Variants in TET2 observed in about 807,000 individuals in gnomAD.
TET2 encodes methylcytosine dioxygenase TET2.
A neutral mutation model predicts 142.9 loss-of-function variants in TET2; 299 were observed. The ratio of observed to expected loss-of-function variants is 2.09; its 90% CI spans 1.90 to 2.30. The LOEUF (loss-of-function observed/expected upper bound fraction) is 2.30. TET2 is among the 30% of genes most tolerant of loss of function. The probability of loss-of-function intolerance (pLI) is 0.00; values close to 1 mark genes in which losing one functional copy is unlikely to be tolerated. For synonymous variants in TET2, 819 were observed against 849.0 expected (o/e 0.96, Z 0.61); for missense variants, 2,418 against 2,378.0 (o/e 1.02, Z -0.35).
At position 105,213,603 on chromosome 4, in the gene TET2, C is replaced by G. The variant is rs1296045387; in HGVS notation, c.-46-20294C>G. Among the ~76,000 whole-genome samples, 3 of 152,272 alleles carry G rather than the reference C, an allele frequency of 2.0e-5. No homozygotes were observed. In the East Asian group the frequency reaches 5.8e-4, roughly 29 times the overall value. On this transcript the variant is annotated intron_variant, in intron 2 of 10. Transcript: ENST00000380013. ...TCTACAAATTTTCTCAAGCATTTCC[C>G]TTTACCTAGGATGTTCTTCTTTCAC...
chr4:105,190,481 A>C lies in TET2; in HGVS notation c.-71A>C. 1 of 702,200 alleles carries C rather than the reference A, an allele frequency of 1.4e-6. No homozygotes were observed. The highest frequency in any genetic ancestry group is 2.6e-6 in the Non-Finnish European group (1 of 384,752). The allele number at this position is 702,200 out of a possible 1,614,324, so 43.5% of individuals were successfully genotyped here. A position where few individuals can be genotyped will look rare whatever the true frequency, so the allele number is the denominator to read the frequency against. The stretch of plus-strand genomic sequence containing the variant: ...GCAGCCAATAGGACATGATCCAGGA[A>C]GAGCAGTAAGGGACTGAGCTGCTGG... On this transcript the variant is annotated 5_prime_UTR_variant, in exon 2 of 11. Coordinates refer to ENST00000380013, the MANE Select transcript of TET2 (RefSeq NM_001127208.3).
At chr4:105,244,615 G>A (rs1729495157) in intron 6 of TET2, among the ~76,000 whole-genome samples, 1 of 58,242 alleles carries the variant, frequency 1.7e-5, no homozygotes, top group African/African-American at 7.5e-5. Context: ...TTTTTTTTGA[G>A]ATGGAGTTTC....
At chr4:105,188,217 G>GA (rs1318208258) in intron 1 of TET2, among the ~76,000 whole-genome samples, 1 of 152,152 alleles carries the variant, frequency 6.6e-6, no homozygotes, top group African/African-American at 2.4e-5. Context: ...ACACATGCTA[G>GA]AAAATAAATG....
At chr4:105,217,267 C>T (rs1378788197) in intron 2 of TET2, among the ~76,000 whole-genome samples, 2 of 151,926 alleles carry the variant, frequency 1.3e-5, no homozygotes, top group Non-Finnish European at 2.9e-5. Flanking sequence ...ATTAGAACAG[C>T]AATATAACTG....
Position 105,275,682 on chromosome 4 carries a change from T to A in TET2, c.5172T>A (p.Tyr1724Ter). 1 of 1,551,838 alleles carries A rather than the reference T, an allele frequency of 6.4e-7. No homozygotes were observed. The highest frequency in any genetic ancestry group is 8.7e-7 in the Non-Finnish European group (1 of 1,146,996). Residue 1724 changes from tyrosine to a stop codon, truncating the protein, a stop_gained, in exon 11 of 11, where the codon TAT (tyrosine) becomes TAA (stop). Coordinates refer to ENST00000380013, the MANE Select transcript of TET2 (RefSeq NM_001127208.3). LOFTEE classifies it low-confidence loss of function (END_TRUNC). ...ATCATGTAGGGAAATTGCCTCCTTA[T>A]CCCACTCATGAGATGGATGGCCACT... ...NVHHVGKLPP[Y>*]PTHEMDGHFM...
intron 2 of TET2, among the ~76,000 whole-genome samples, chr4:105,219,181 A>G (rs566546605): frequency 6.6e-6 from 1 of 152,090 alleles, no homozygotes; most frequent in Non-Finnish European, 1.5e-5. Flanking sequence ...GTTTAATGGC[A>G]TCTCCATTAT....
At chr4:105,240,789 A>G (rs1729252219) in intron 3 of TET2, 3 of 1,079,558 alleles carry the variant, frequency 2.8e-6, no homozygotes, top group African/African-American at 1.6e-5. Context: ...AAATTGTTCT[A>G]AAGTACATAC....
chr4:105,243,910 T>A, intron 6 of TET2, 132 bp downstream of exon 6: 1 of 741,388 alleles, frequency 1.3e-6, no homozygotes, highest in Non-Finnish European at 2.2e-6. Context: ...TGTTTGGCAG[T>A]CATGCGATAA....
At chr4:105,225,591 A>G (rs1426869975) in intron 2 of TET2, among the ~76,000 whole-genome samples, 1 of 152,180 alleles carries the variant, frequency 6.6e-6, no homozygotes, top group Non-Finnish European at 1.5e-5. Context: ...GCCCACATTG[A>G]CAGGGACAAG....
chr4:105,190,700 T>C (rs1467841664), intron 2 of TET2, 195 bp downstream of exon 2: 7 of 481,650 alleles, frequency 1.5e-5, no homozygotes, highest in Admixed American at 1.1e-4. Context: ...TACTGACTTA[T>C]GTATAGCTGT....
rs555587175 is a variant in TET2 at position 105,154,851 on chromosome 4, C to A, written c.-193+7872C>A. Among the ~76,000 whole-genome samples, 5 of 152,078 alleles carry A rather than the reference C, an allele frequency of 3.3e-5. No individual in the cohort carries two copies. In the South Asian group the frequency reaches 6.2e-4, roughly 19 times the overall value. On this transcript the variant is annotated intron_variant, in intron 1 of 10. Transcript: ENST00000380013. ...ACAAGCCTGGGCAACATGGCAAAAC[C>A]CCATCCCTACAAAAAATGCACAAAT...
At chr4:105,274,911 C>A in intron 10 of TET2, 137 bp from the exon 11 acceptor site, 2 of 1,166,194 alleles carry the variant, frequency 1.7e-6, no homozygotes, top group Non-Finnish European at 2.3e-6. Flanking sequence ...CCTGACTTTG[C>A]TCTTATCTTT....
chr4:105,240,365 A>T (rs1729226530), intron 3 of TET2: 1 of 1,069,342 alleles, frequency 9.4e-7, no homozygotes, highest in African/African-American at 1.7e-5. Flanking sequence ...GATATGTAAT[A>T]GGTCTGTAGG....
intron 6 of TET2, among the ~76,000 whole-genome samples, chr4:105,254,163 C>G (rs759942733): frequency 2.6e-5 from 4 of 152,122 alleles, no homozygotes; most frequent in Non-Finnish European, 4.4e-5. Context: ...ATTTTCTCTG[C>G]TTCTGTCTTA....
chr4:105,185,007 C>G (rs1560733576), intron 1 of TET2, among the ~76,000 whole-genome samples: 2 of 152,054 alleles, frequency 1.3e-5, no homozygotes, highest in Non-Finnish European at 2.9e-5. Flanking sequence ...AACAAAGTCC[C>G]TTTTTTGTAA....
chr4:105,177,340 A>G (rs6848494), intron 1 of TET2, among the ~76,000 whole-genome samples: 11 of 152,234 alleles, frequency 7.2e-5, no homozygotes, highest in African/African-American at 2.7e-4. Flanking sequence ...GAATGAGAAG[A>G]CAAGCCACAG....
At chr4:105,249,021 C>T (rs1215064626) in intron 6 of TET2, among the ~76,000 whole-genome samples, 4 of 133,748 alleles carry the variant, frequency 3.0e-5, no homozygotes, top group East Asian at 2.2e-4. Context: ...TTTTTGTCCA[C>T]GTATATATTC....
At chr4:105,239,077 T>TTTTTGTTTTTG (rs1553914867) in intron 3 of TET2, 1 of 235,510 alleles carries the variant, frequency 4.2e-6, no homozygotes, top group Non-Finnish European at 8.9e-6. Context: ...GTTTTTTGTT[T>TTTTTGTTTTTG]TTTTTTTTTG....
chr4:105,250,733 C>G (rs1729832541), intron 6 of TET2, among the ~76,000 whole-genome samples: 1 of 152,100 alleles, frequency 6.6e-6, no homozygotes, highest in African/African-American at 2.4e-5. Context: ...TGCTCTGCTG[C>G]CCAGTCCAGA....
Sources: gnomAD v4.1 joint callset for allele counts (sites outside exome capture counted in the v4.1 genomes callset) on GRCh38, gnomAD v4.1.1 for gene constraint, MANE v1.5 for transcripts, NCBI Gene and HGNC (gene_info 2026-07-23, HGNC 2026-07-21) for gene names.